The following CAPN9 variants were observed in gnomAD, a reference collection of about 807,000 sequenced individuals.
The protein encoded by CAPN9 is calpain 9.
A neutral mutation model predicts 92.8 loss-of-function variants in CAPN9; 81 were observed. The ratio of observed to expected loss-of-function variants is 0.87; its 90% CI spans 0.73 to 1.05. The LOEUF is 1.05. CAPN9 is among the 50% of genes least tolerant of loss of function. The pLI is 0.00. For synonymous variants in CAPN9, 304 were observed against 328.0 expected (o/e 0.93, Z 0.79); for missense variants, 848 against 866.2 (o/e 0.98, Z 0.26).
At chr1:230,751,626 AGAAAGAAAGAAAGAAAGAAAGAAAG>A (rs1664816848) in intron 1 of CAPN9, among the ~76,000 whole-genome samples, 1 of 72,196 alleles carries the variant, frequency 1.4e-5, no homozygotes, top group Admixed American at 1.4e-4. Flanking sequence ...AAAGAAAGAA[AGAAAGAAAGAAAGAAAGAAAGAAAG>A]AAAGAAAGAA....
At chr1:230,762,869 G>GAA in intron 4 of CAPN9, 83 bp downstream of exon 4, 1 of 1,373,622 alleles carries the variant, frequency 7.3e-7, no homozygotes. Flanking sequence ...TAAGGGCTGG[G>GAA]AAAAAATCAG....
At chr1:230,782,838 G>A (rs1241327202) in intron 11 of CAPN9, among the ~76,000 whole-genome samples, 1 of 152,046 alleles carries the variant, frequency 6.6e-6, no homozygotes, top group Admixed American at 6.6e-5. Flanking sequence ...CCAACACAGA[G>A]AAACCCTATC....
chr1:230,790,021 AG>A (rs1394803093), intron 13 of CAPN9, 110 bp from the exon 14 acceptor site: 2 of 808,564 alleles, frequency 2.5e-6, no homozygotes, highest in Non-Finnish European at 4.1e-6. Flanking sequence ...AGGGTCCTGA[AG>A]GCTGGTCTGT....
At chr1:230,794,889 A>T (rs1370970067) in intron 17 of CAPN9, among the ~76,000 whole-genome samples, 1 of 152,210 alleles carries the variant, frequency 6.6e-6, no homozygotes, top group Non-Finnish European at 1.5e-5. Context: ...AATTAAGATC[A>T]CAAACTCGCT....
At chr1:230,790,319 A>G in intron 14 of CAPN9, 130 bp downstream of exon 14, 2 of 1,377,654 alleles carry the variant, frequency 1.5e-6, no homozygotes, top group Non-Finnish European at 1.9e-6. Flanking sequence ...TAGACTTTAA[A>G]AATAGCTTTC....
At chr1:230,778,694 C>T (rs976100768) in intron 8 of CAPN9, among the ~76,000 whole-genome samples, 1 of 152,168 alleles carries the variant, frequency 6.6e-6, no homozygotes, top group Non-Finnish European at 1.5e-5. Context: ...TTTAAAATAG[C>T]ATCCCACCCC....
chr1:230,800,296 A>AC (rs1668638759), intron 19 of CAPN9, among the ~76,000 whole-genome samples: 1 of 94,342 alleles, frequency 1.1e-5, no homozygotes, highest in African/African-American at 4.0e-5. Context: ...GAAAGAAAGA[A>AC]AGAAAGAAAG....
At position 230,787,511 on chromosome 1, in the gene CAPN9, CTGTTTTT is replaced by C. The variant is rs1558112652; in HGVS notation, c.1519-9_1519-3del. 1 of 1,610,674 alleles carries C rather than the reference CTGTTTTT, an allele frequency of 6.2e-7. No individual in the cohort carries two copies. Among genetic ancestry groups the C allele is most frequent in the Non-Finnish European group, 8.5e-7 (1 of 1,177,140 alleles). On this transcript the variant is annotated splice_polypyrimidine_tract_variant and splice_region_variant and intron_variant, in intron 12 of 19. Coordinates refer to ENST00000271971, the MANE Select transcript of CAPN9 (RefSeq NM_006615.3). ...GATCATTTTGTGCAAGTTTCTTTGG[CTGTTTTT>C]TAGCCTCCAAAGCCAACTCCACCTG...
chr1:230,751,581 GAAACA>G lies in CAPN9; in HGVS notation c.214-3753_214-3749del, dbSNP rs1558304388. Among the ~76,000 whole-genome samples, 17 of 17,830 alleles carry G rather than the reference GAAACA, an allele frequency of 9.5e-4. 1 individual carries two copies. The highest frequency in any genetic ancestry group is 5.1e-3 in the African/African-American group (17 of 3,346). The allele number at this position is 17,830 out of a possible 152,430, so 11.7% of individuals were successfully genotyped here. Reference sequence around the variant, plus strand: ...AGAAGAGAAAGAAAGAAAGAAGAAAGAAACAAAGAAAGAAAGAAAGAAAGAAAGAG... The same window carrying G: ...AGAAGAGAAAGAAAGAAAGAAGAAAGAAGAAAGAAAGAAAGAAAGAAAGAG... On this transcript the variant is annotated intron_variant, in intron 1 of 19. Transcript: ENST00000271971.
At chr1:230,784,816 A>G (rs2102909454) in intron 11 of CAPN9, among the ~76,000 whole-genome samples, 1 of 152,372 alleles carries the variant, frequency 6.6e-6, no homozygotes, top group Non-Finnish European at 1.5e-5. Context: ...GGTACTGCCT[A>G]GTGGAACTGT....
rs763167949 is a variant in CAPN9, at chr1:230,781,551, A to G, written c.1481+843A>G. ...AAATTACTTTATATCAGTTACTTCTATGGAAAATGTTTCCCATTACTGCCC... is the reference window on the plus strand; with the variant it reads ...AAATTACTTTATATCAGTTACTTCTGTGGAAAATGTTTCCCATTACTGCCC... On this transcript the variant is annotated intron_variant, in intron 11 of 19. Transcript: ENST00000271971. Among the ~76,000 whole-genome samples, 5 of 152,334 alleles carry G rather than the reference A, an allele frequency of 3.3e-5. No homozygotes were observed. In the East Asian group the frequency reaches 5.8e-4, roughly 18 times the overall value.
At position 230,759,568 on chromosome 1, in the gene CAPN9, G is replaced by T; in HGVS notation, c.340G>T (p.Ala114Ser). Residue 114 changes from alanine (A) to serine (S), a missense_variant, in exon 3 of 20, where the codon GCC becomes TCC. Transcript: ENST00000271971. ...ASLTLNQKALARVIPQDQSFG... is the reference protein window; with the variant it reads ...ASLTLNQKALSRVIPQDQSFG... The stretch of plus-strand genomic sequence containing the variant: ...CCTTACGCTTAATCAAAAAGCACTG[G>T]CCAGAGTCATCCCCCAGGACCAAAG... 1 of 1,611,486 alleles carries T rather than the reference G, an allele frequency of 6.2e-7. No individual in the cohort carries two copies. Among genetic ancestry groups the T allele is most frequent in the Non-Finnish European group, 8.5e-7 (1 of 1,179,142 alleles).
At chr1:230,779,434 G>T (rs527570740) in intron 9 of CAPN9, among the ~76,000 whole-genome samples, 1 of 152,152 alleles carries the variant, frequency 6.6e-6, no homozygotes, top group African/African-American at 2.4e-5. Context: ...AAGTAGGGTG[G>T]GCTTCAGGCA....
intron 19 of CAPN9, 21 bp from the exon 20 acceptor site, chr1:230,801,549 T>G: frequency 6.8e-7 from 1 of 1,466,506 alleles, no homozygotes; most frequent in African/African-American, 1.4e-5. Context: ...CGACCCCTCA[T>G]CTCTCTCTCT....
At chr1:230,796,892 C>G (rs1386302143) in intron 18 of CAPN9, among the ~76,000 whole-genome samples, 1 of 152,210 alleles carries the variant, frequency 6.6e-6, no homozygotes, top group African/African-American at 2.4e-5. Flanking sequence ...ACACCATCCA[C>G]TCTGGCATCC....
chr1:230,784,938 C>G (rs1196547595), intron 11 of CAPN9, among the ~76,000 whole-genome samples: 1 of 152,236 alleles, frequency 6.6e-6, no homozygotes, highest in Non-Finnish European at 1.5e-5. Context: ...CAGCCAAAGT[C>G]ACAGGGACAG....
intron 4 of CAPN9, among the ~76,000 whole-genome samples, chr1:230,767,313 A>G (rs369447854): frequency 6.6e-6 from 1 of 152,184 alleles, no homozygotes; most frequent in Non-Finnish European, 1.5e-5. Flanking sequence ...CTGCTGCTCT[A>G]TACCACCACA....
At chr1:230,769,317 A>G in intron 6 of CAPN9, 54 bp downstream of exon 6, 8 of 1,264,494 alleles carry the variant, frequency 6.3e-6, no homozygotes, top group Non-Finnish European at 8.1e-6. Flanking sequence ...GACAATGCTA[A>G]TCCCTTAGGC....
intron 1 of CAPN9, chr1:230,752,713 T>C: frequency 1.0e-6 from 1 of 985,104 alleles, no homozygotes; most frequent in Non-Finnish European, 1.2e-6. Context: ...TTATGTCCAC[T>C]TGAGGAGTGA....
Sources: gnomAD v4.1 joint callset for allele counts (sites outside exome capture counted in the v4.1 genomes callset) on GRCh38, gnomAD v4.1.1 for gene constraint, MANE v1.5 for transcripts, NCBI Gene and HGNC (gene_info 2026-07-23, HGNC 2026-07-21) for gene names.